GXYLT2: variants seen among roughly 807,000 people sequenced by gnomAD.
The protein encoded by GXYLT2 is glucoside xylosyltransferase 2.
Under a neutral mutation model 45.8 loss-of-function variants are expected in GXYLT2, and 53 were observed. The observed-to-expected ratio is 1.16, with a 90% CI of 0.93 to 1.46. The LOEUF (loss-of-function observed/expected upper bound fraction) is 1.46, where lower values mean the gene tolerates loss of function less well. Among genes scored for constraint, GXYLT2 ranks in the 40% most tolerant of loss-of-function variants. The pLI is 0.00. For synonymous variants in GXYLT2, 219 were observed against 214.2 expected, an observed-to-expected ratio of 1.02 and a Z score of -0.19; for missense variants, 551 against 544.4, an observed-to-expected ratio of 1.01 and a Z score of -0.12.
chr3:72,917,969 A>G (rs1280596735), intron 2 of GXYLT2, among the ~76,000 whole-genome samples: 2 of 152,054 alleles, frequency 1.3e-5, no homozygotes, highest in Non-Finnish European at 2.9e-5. Context: ...TGATGCTTAT[A>G]TTACTGAGTT....
chr3:72,926,043 A>G (rs774120464), intron 3 of GXYLT2, among the ~76,000 whole-genome samples: 4 of 152,162 alleles, frequency 2.6e-5, no homozygotes, highest in Non-Finnish European at 4.4e-5. Context: ...CTTGGAATTC[A>G]TCTCTTTAAA....
At chr3:72,956,901 A>G (rs1261145548) in intron 4 of GXYLT2, among the ~76,000 whole-genome samples, 1 of 149,222 alleles carries the variant, frequency 6.7e-6, no homozygotes, top group African/African-American at 2.5e-5. Flanking sequence ...AAACAAAAAC[A>G]AAAACAAAAA....
intron 3 of GXYLT2, among the ~76,000 whole-genome samples, chr3:72,949,502 C>CTTTTTTTTTTTT (rs56323434): frequency 8.3e-4 from 60 of 72,636 alleles, no homozygotes; most frequent in East Asian, 1.0e-3. Context: ...CTTTCTTTTT[C>CTTTTTTTTTTTT]TTTTTTTTTT....
chr3:72,894,058 C>T (rs1709234385), intron 1 of GXYLT2, among the ~76,000 whole-genome samples: 1 of 152,196 alleles, frequency 6.6e-6, no homozygotes, highest in African/African-American at 2.4e-5. Context: ...ACTTATTTTA[C>T]ATTATTAAAC....
At chr3:72,932,070 C>CTT (rs796800391) in intron 3 of GXYLT2, among the ~76,000 whole-genome samples, 6 of 143,660 alleles carry the variant, frequency 4.2e-5, no homozygotes, top group Admixed American at 7.0e-5. Flanking sequence ...TGTCTTTTAA[C>CTT]TTTTTTTTTT....
intron 4 of GXYLT2, among the ~76,000 whole-genome samples, chr3:72,956,907 A>G (rs2107143457): frequency 6.8e-6 from 1 of 148,100 alleles, no homozygotes; most frequent in Non-Finnish European, 1.5e-5. Flanking sequence ...AAACAAAAAC[A>G]AAAACACAGG....
chr3:72,944,224 A>G (rs935963505), intron 3 of GXYLT2, among the ~76,000 whole-genome samples: 13 of 150,166 alleles, frequency 8.7e-5, no homozygotes, highest in African/African-American at 3.2e-4. Flanking sequence ...AGTAGCTAGG[A>G]CCACAGGCAC....
chr3:72,948,243 A>G (rs771543904), intron 3 of GXYLT2, among the ~76,000 whole-genome samples: 15 of 152,318 alleles, frequency 9.8e-5, no homozygotes, highest in Admixed American at 2.0e-4. Context: ...TGACAACACT[A>G]TCAACCAAGT....
At chr3:72,916,227 C>T (rs573180894) in intron 2 of GXYLT2, among the ~76,000 whole-genome samples, 1 of 150,758 alleles carries the variant, frequency 6.6e-6, no homozygotes, top group Admixed American at 6.7e-5. Context: ...GAGATGGAGC[C>T]TCCATGAGTT....
intron 3 of GXYLT2, among the ~76,000 whole-genome samples, chr3:72,930,995 A>C (rs1287644728): frequency 6.6e-6 from 1 of 151,832 alleles, no homozygotes; most frequent in East Asian, 1.9e-4. Flanking sequence ...TCTTTAGGAC[A>C]CTCCACCCAA....
At chr3:72,888,610 CA>C (rs1709115849) in intron 1 of GXYLT2, 102 bp downstream of exon 1, 1 of 825,836 alleles carries the variant, frequency 1.2e-6, no homozygotes, top group Non-Finnish European at 1.5e-6. Context: ...GACAGATTTC[CA>C]AGTTTCACCC....
chr3:72,909,068 T>TTA (rs1709567613), intron 2 of GXYLT2, among the ~76,000 whole-genome samples: 1 of 107,790 alleles, frequency 9.3e-6, no homozygotes. Flanking sequence ...CTTTCTTTTT[T>TTA]TTTTTTTTTT....
rs1037442121 is a variant in GXYLT2 at position 72,967,445 on chromosome 3, T to C, written c.977-102T>C. The C allele has an allele frequency of 1.3e-5, 11 of 867,510 alleles. No individual in the cohort carries two copies. The East Asian group carries it at 2.2e-4, about 17-fold the overall frequency. 53.7% of individuals were successfully genotyped at this position (867,510 alleles called of 1,614,324 possible). The stretch of plus-strand genomic sequence containing the variant: ...AAATCACACTCCTGTACTTTGAAAT[T>C]ACATGCTGTGTACAGTTAGTGGAAA... On this transcript the variant is annotated intron_variant, in intron 5 of 6. Transcript: ENST00000389617.
At chr3:72,917,366 A>G (rs995168389) in intron 2 of GXYLT2, among the ~76,000 whole-genome samples, 16 of 152,000 alleles carry the variant, frequency 1.1e-4, no homozygotes, top group African/African-American at 3.9e-4. Context: ...TGTCATACTG[A>G]GAGTTTATGC....
intron 3 of GXYLT2, among the ~76,000 whole-genome samples, chr3:72,939,856 A>AT (rs750985904): frequency 2.6e-5 from 4 of 151,910 alleles, no homozygotes; most frequent in Non-Finnish European, 5.9e-5. Context: ...TAATTTTTGT[A>AT]TTTTTTGTAG....
intron 5 of GXYLT2, among the ~76,000 whole-genome samples, chr3:72,958,739 C>T (rs1386459493): frequency 6.9e-6 from 1 of 145,534 alleles, no homozygotes; most frequent in African/African-American, 2.5e-5. Context: ...TCCGGTAATT[C>T]TTCTGCCTCA....
chr3:72,945,933 A>G (rs1247347825), intron 3 of GXYLT2, among the ~76,000 whole-genome samples: 2 of 152,138 alleles, frequency 1.3e-5, no homozygotes, highest in African/African-American at 4.8e-5. Context: ...AAACCTAGAA[A>G]CTGACTAAAG....
At chr3:72,928,983 C>G in intron 3 of GXYLT2, 1 of 1,051,664 alleles carries the variant, frequency 9.5e-7, no homozygotes, top group East Asian at 2.5e-5. Context: ...GGTACCGCCC[C>G]AAGGCCCGCC....
chr3:72,970,757 G>C (rs1188902005), intron 6 of GXYLT2, among the ~76,000 whole-genome samples: 1 of 152,100 alleles, frequency 6.6e-6, no homozygotes, highest in Non-Finnish European at 1.5e-5. Flanking sequence ...AGCTACTCGG[G>C]TGGCTGAGGC....
Sources: allele counts gnomAD v4.1 joint callset (sites outside exome capture counted in the v4.1 genomes callset), GRCh38; gene constraint gnomAD v4.1.1; transcripts MANE v1.5; gene names NCBI Gene and HGNC (gene_info 2026-07-23, HGNC 2026-07-21).